The following GNB4 variants were observed in gnomAD, a reference collection of about 807,000 sequenced individuals.
The protein encoded by GNB4 is guanine nucleotide-binding protein subunit beta-4.
In GNB4, 28 loss-of-function variants were observed where a neutral mutation model predicts 45.2. That is an observed-to-expected ratio of 0.62 (90% confidence interval 0.46 to 0.85). GNB4 has a LOEUF of 0.85. Ranked by LOEUF, GNB4 falls within the 40% of genes least tolerant of loss-of-function variation. GNB4 has a pLI of 0.00. For missense variants in GNB4, 321 were observed against 425.4 expected (o/e 0.75, Z 2.16); for synonymous variants, 132 against 143.7 (o/e 0.92, Z 0.58).
chr3:179,468,924 A>T, the GNB4 span, among the ~76,000 whole-genome samples: 1 of 152,250 alleles, frequency 6.6e-6, no homozygotes, highest in East Asian at 1.9e-4. Flanking sequence ...ATTCTCTCTG[A>T]AGCCTGCTAC....
In GNB4 at chr3:179,416,537, G is replaced by T; in HGVS notation, c.223C>A (p.Gln75Lys). ...YDSRLLVSASQDGKLIIWDSY... is the reference protein window; with the variant it reads ...YDSRLLVSASKDGKLIIWDSY... ...TCCCAAATAATTAATTTTCCATCTT[G>T]AGAAGCACTGACTAGCAGCCTAGAG... Residue 75 changes from glutamine to lysine, a missense_variant, in exon 5 of 10, where the codon CAA (glutamine) becomes AAA (lysine). By Grantham distance (53) the Gln-to-Lys change is moderately conservative. Transcript: ENST00000232564. 1 of 1,596,446 alleles carries T rather than the reference G, an allele frequency of 6.3e-7. No homozygotes were observed. Among genetic ancestry groups the T allele is most frequent in the South Asian group, 1.1e-5 (1 of 87,984 alleles).
chr3:179,464,014 A>G, the GNB4 span, among the ~76,000 whole-genome samples: 2 of 152,228 alleles, frequency 1.3e-5, no homozygotes, highest in African/African-American at 4.8e-5. Flanking sequence ...TAGCTATGAC[A>G]GACAATCAAT....
At chr3:179,423,786 TAA>T (rs35300847) in intron 2 of GNB4, among the ~76,000 whole-genome samples, 3 of 145,240 alleles carry the variant, frequency 2.1e-5, no homozygotes, top group Admixed American at 1.4e-4. Flanking sequence ...CACTCTGATT[TAA>T]AAAAAAAAAA....
In GNB4 at chr3:179,419,386, G is replaced by C. The variant is rs371162080; in HGVS notation, c.203+13C>G. The C allele has an allele frequency of 5.1e-5, 73 of 1,424,000 alleles. No individual in the cohort carries two copies. The African/African-American group carries it at 1.0e-3, about 19-fold the overall frequency. 88.2% of individuals were successfully genotyped at this position (1,424,000 alleles called of 1,614,324 possible). A position where few individuals can be genotyped will look rare whatever the true frequency, so the allele number is the denominator to read the frequency against. The stretch of plus-strand genomic sequence containing the variant: ...CAACAGTTTAAAAATGACAGGTAAT[G>C]ACAGGTACAAACCTGGAATCGTATC... On this transcript the variant is annotated intron_variant, in intron 4 of 9. Transcript: ENST00000232564.
upstream of GNB4, among the ~76,000 whole-genome samples, chr3:179,452,999 G>A (rs1057286205): frequency 2.6e-5 from 4 of 152,240 alleles, no homozygotes; most frequent in East Asian, 7.7e-4. Flanking sequence ...TAATTACCTT[G>A]AAGTGTGAAT....
At chr3:179,408,119 A>G (rs1489795629) in intron 8 of GNB4, among the ~76,000 whole-genome samples, 1 of 152,244 alleles carries the variant, frequency 6.6e-6, no homozygotes, top group Non-Finnish European at 1.5e-5. Context: ...AGCATCCAAC[A>G]AGGTAAAATT....
the GNB4 span, among the ~76,000 whole-genome samples, chr3:179,473,858 T>C: frequency 1.2e-4 from 19 of 152,214 alleles, no homozygotes; most frequent in Non-Finnish European, 2.2e-4. Context: ...GCTACACTTC[T>C]CTATTATATG....
chr3:179,411,041 TG>T (rs1714636533), intron 8 of GNB4, among the ~76,000 whole-genome samples: 1 of 152,036 alleles, frequency 6.6e-6, no homozygotes, highest in Admixed American at 6.6e-5. Flanking sequence ...AAGTAGGGGC[TG>T]GGGAGGAAAA....
At chr3:179,428,233 C>T (rs1412809559) in intron 1 of GNB4, among the ~76,000 whole-genome samples, 2 of 152,214 alleles carry the variant, frequency 1.3e-5, no homozygotes, top group Non-Finnish European at 2.9e-5. Context: ...TCCAGAAGAA[C>T]TAAAATCATT....
chr3:179,396,383 C>G lies in GNB4; in HGVS notation c.*4830G>C, dbSNP rs748679659. ...TTAACAGAAAAATAATTTTAATCAACTTTAAAAACACACTTAGATGTGGAT... is the reference window on the plus strand; with the variant it reads ...TTAACAGAAAAATAATTTTAATCAAGTTTAAAAACACACTTAGATGTGGAT... On this transcript the variant is annotated 3_prime_UTR_variant, in exon 10 of 10. Transcript: ENST00000232564. The G allele has an allele frequency of 6.6e-6, 1 of 152,116 alleles. No individual in the cohort carries two copies. Among genetic ancestry groups the G allele is most frequent in the Non-Finnish European group, 1.5e-5 (1 of 68,008 alleles). The allele number at this position is 152,116 out of a possible 1,614,324, so 9.4% of individuals were successfully genotyped here.
chr3:179,488,215 A>T, the GNB4 span, among the ~76,000 whole-genome samples: 1 of 152,260 alleles, frequency 6.6e-6, no homozygotes, highest in East Asian at 1.9e-4. Flanking sequence ...ATAAATTTAG[A>T]GAGGCTGCAC....
intron 5 of GNB4, 52 bp downstream of exon 5, chr3:179,416,441 G>T: frequency 2.8e-6 from 3 of 1,087,466 alleles, no homozygotes; most frequent in South Asian, 1.4e-5. Flanking sequence ...AAGAACTGGT[G>T]AACAGCCAAA....
the GNB4 span, among the ~76,000 whole-genome samples, chr3:179,474,555 C>T: frequency 6.6e-6 from 1 of 151,934 alleles, no homozygotes; most frequent in East Asian, 1.9e-4. Context: ...GAGATTTACA[C>T]CTGATTTAAA....
chr3:179,464,531 C>G, the GNB4 span: 1 of 1,608,848 alleles, frequency 6.2e-7, no homozygotes, highest in Non-Finnish European at 8.5e-7. Flanking sequence ...AGTGGGTGGC[C>G]TCAGGCGACA....
the GNB4 span, among the ~76,000 whole-genome samples, chr3:179,482,095 G>T: frequency 1.3e-5 from 2 of 151,890 alleles, no homozygotes; most frequent in African/African-American, 2.4e-5. Flanking sequence ...TAGAGACGGG[G>T]TTTGGCCATG....
intron 4 of GNB4, among the ~76,000 whole-genome samples, chr3:179,417,449 C>T (rs550911250): frequency 1.3e-5 from 2 of 151,370 alleles, no homozygotes; most frequent in South Asian, 4.2e-4. Context: ...ACTGTGACAC[C>T]CAGGTTAGAG....
At chr3:179,424,773 G>GT (rs1187503788) in intron 2 of GNB4, among the ~76,000 whole-genome samples, 2 of 151,746 alleles carry the variant, frequency 1.3e-5, no homozygotes, top group Middle Eastern at 3.2e-3. Context: ...CCCGGCTAAC[G>GT]TTTTTTTGTT....
At chr3:179,443,603 C>T (rs932955164) in intron 1 of GNB4, among the ~76,000 whole-genome samples, 1 of 152,162 alleles carries the variant, frequency 6.6e-6, no homozygotes, top group African/African-American at 2.4e-5. Context: ...CAGTGTCTTT[C>T]ACTGTAGATT....
At chr3:179,465,414 T>C in the GNB4 span, 2 of 504,190 alleles carry the variant, frequency 4.0e-6, no homozygotes, top group East Asian at 4.2e-5. Flanking sequence ...CCATCCTGGC[T>C]AACATGGTGA....
Sources: allele counts gnomAD v4.1 joint callset (sites outside exome capture counted in the v4.1 genomes callset), GRCh38; gene constraint gnomAD v4.1.1; transcripts MANE v1.5; gene names NCBI Gene and HGNC (gene_info 2026-07-23, HGNC 2026-07-21).